The following PIGX variants were observed in gnomAD, a reference collection of about 807,000 sequenced individuals.
PIGX encodes the protein GPI alpha-1,4-mannosyltransferase I, stabilizing subunit.
Under a neutral mutation model 28.7 loss-of-function variants are expected in PIGX, and 24 were observed. That is an observed-to-expected ratio of 0.84 (90% CI 0.60 to 1.17). PIGX has a LOEUF of 1.17. Ranked by LOEUF, PIGX falls within the 50% of genes most tolerant of loss-of-function variation. The pLI is 0.00. For missense variants in PIGX, 305 were observed against 317.8 expected, an observed-to-expected ratio of 0.96 and a Z score of 0.31; for synonymous variants, 127 against 121.0, an observed-to-expected ratio of 1.05 and a Z score of -0.33.
At chr3:196,714,336 G>T (rs890066310) in intron 1 of PIGX, among the ~76,000 whole-genome samples, 6 of 152,034 alleles carry the variant, frequency 3.9e-5, no homozygotes, top group Non-Finnish European at 7.4e-5. Context: ...TGGTGGCGTG[G>T]GCCTATAATC....
intron 4 of PIGX, 85 bp downstream of exon 4, chr3:196,728,221 A>G: frequency 9.4e-7 from 1 of 1,066,592 alleles, no homozygotes; most frequent in Non-Finnish European, 1.4e-6. Context: ...GCTGGCTGGC[A>G]AGGCCCTATG....
In PIGX at chr3:196,712,600, C is replaced by T. The variant is rs1027257546; in HGVS notation, c.68C>T (p.Thr23Met). The T allele has an allele frequency of 1.3e-5, 15 of 1,191,120 alleles. No individual in the cohort carries two copies. In the African/African-American group the frequency reaches 1.9e-4, roughly 15 times the overall value. 73.8% of individuals were successfully genotyped at this position (1,191,120 alleles called of 1,614,324 possible). Residue 23 changes from threonine to methionine, a missense_variant, in exon 1 of 6, where the codon ACG becomes ATG. Transcript: ENST00000392391. ...CTCCTCGGGGCGGCGACCGGGCTCA[C>T]GCGCGGGCCCGCCGCGGCCTTCACC... is the stretch of plus-strand genomic sequence containing the variant.
intron 1 of PIGX, among the ~76,000 whole-genome samples, chr3:196,713,309 A>ATT (rs61440372): frequency 0.15 from 22,223 of 149,954 alleles, 1,939 homozygotes; most frequent in Non-Finnish European, 0.19. Flanking sequence ...GGCCAAGAAG[A>ATT]TTTTTTTTTT....
chr3:196,727,258 T>C (rs1441483439), intron 3 of PIGX, among the ~76,000 whole-genome samples: 1 of 152,242 alleles, frequency 6.6e-6, no homozygotes, highest in Admixed American at 6.5e-5. Flanking sequence ...TGTGGATATA[T>C]GTGTAATAAA....
chr3:196,721,254 CT>C (rs1370270036), intron 2 of PIGX: 9 of 334,702 alleles, frequency 2.7e-5, no homozygotes, highest in East Asian at 1.1e-4. Context: ...TCTCCCTGGT[CT>C]TTTTTCCTCT....
chr3:196,726,592 GATGA>G, intron 3 of PIGX: 1 of 445,452 alleles, frequency 2.2e-6, no homozygotes, highest in East Asian at 7.0e-5. Context: ...CAGCTAATAT[GATGA>G]ATGATTTGGA....
In PIGX at chr3:196,732,249, T is replaced by C. The variant is rs1445825319; in HGVS notation, c.633+1157T>C. On this transcript the variant is annotated intron_variant, in intron 5 of 5. Coordinates refer to ENST00000392391, the MANE Select transcript of PIGX (RefSeq NM_017861.4). ...ATATATATATATATATATATATATA[T>C]ATATATATTTTATTTTATTTTATTT... Among the ~76,000 whole-genome samples the C allele has an allele frequency of 5.3e-4, 19 of 35,604 alleles. 1 individual carries two copies. The highest frequency in any genetic ancestry group is 1.5e-4 in the Non-Finnish European group (3 of 20,032). 23.4% of individuals were successfully genotyped at this position (35,604 alleles called of 152,430 possible). A position where few individuals can be genotyped will look rare whatever the true frequency, so the allele number is the denominator to read the frequency against.
chr3:196,724,568 G>A (rs142487285), intron 3 of PIGX, among the ~76,000 whole-genome samples: 2 of 152,210 alleles, frequency 1.3e-5, no homozygotes, highest in East Asian at 3.9e-4. Flanking sequence ...AGAAGAAAAG[G>A]GTACAGGTAG....
chr3:196,716,888 TG>T lies in PIGX; in HGVS notation c.144del (p.Arg49GlyfsTer5). 6.2e-7 allele frequency: 1 copy of T among 1,608,420 alleles called. No homozygotes were observed. Among genetic ancestry groups the T allele is most frequent in the South Asian group, 1.1e-5 (1 of 90,874 alleles). On this transcript the variant is annotated frameshift_variant, in exon 2 of 6. Transcript: ENST00000392391. LOFTEE classifies it high-confidence loss of function. The stretch of plus-strand genomic sequence containing the variant: ...AGGGCCATGTGTTCTGAAATTATTT[TG>T]AGGCAAGAAGTTTTGAAAGATGGTT...
At chr3:196,731,164 A>T in intron 5 of PIGX, 72 bp downstream of exon 5, 1 of 836,954 alleles carries the variant, frequency 1.2e-6, no homozygotes. Flanking sequence ...TGTTCCTGCC[A>T]CATTTAAGAG....
At chr3:196,732,237 TATATATATATATATATATATTTTATTTTA>T (rs1560080550) in intron 5 of PIGX, among the ~76,000 whole-genome samples, 14 of 63,176 alleles carry the variant, frequency 2.2e-4, no homozygotes, top group East Asian at 9.5e-4. Flanking sequence ...TATATATATA[TATATATATATATATATATATTTTATTTTA>T]TTTTATTTTT....
intron 1 of PIGX, among the ~76,000 whole-genome samples, chr3:196,715,172 G>C (rs967908614): frequency 6.6e-6 from 1 of 152,162 alleles, no homozygotes; most frequent in Non-Finnish European, 1.5e-5. Context: ...TGTTTATTCA[G>C]GAAAAGATCA....
In PIGX at chr3:196,716,847, G is replaced by T. The variant is rs774740601; in HGVS notation, c.113-11G>T. 2.0e-6 allele frequency: 3 copies of T among 1,503,606 alleles called. No homozygotes were observed. The highest frequency in any genetic ancestry group is 1.8e-4 in the Middle Eastern group (1 of 5,690). 93.1% of individuals were successfully genotyped at this position (1,503,606 alleles called of 1,614,324 possible). On this transcript the variant is annotated splice_polypyrimidine_tract_variant and intron_variant, in intron 1 of 5. Coordinates refer to ENST00000392391, the MANE Select transcript of PIGX (RefSeq NM_017861.4). ...TTTTGTTTTTAAAAAAAAATCGTTT[G>T]GTTCTTATAGGCATAAGGGCCATGT... is the stretch of plus-strand genomic sequence containing the variant.
intron 3 of PIGX, among the ~76,000 whole-genome samples, chr3:196,724,874 T>C (rs538607848): frequency 5.9e-5 from 9 of 152,182 alleles, no homozygotes; most frequent in Admixed American, 6.5e-5. Context: ...TAGGGACTGA[T>C]TGATGCTTGT....
chr3:196,732,216 T>TTATTTATATATATATATA (rs1400132891), intron 5 of PIGX, among the ~76,000 whole-genome samples: 1 of 51,346 alleles, frequency 1.9e-5, no homozygotes, highest in African/African-American at 9.1e-5. Context: ...TATATATTAT[T>TTATTTATATATATATATA]TATATATATA....
Position 196,715,449 on chromosome 3 carries a change from T to C in PIGX, c.113-1409T>C, listed in dbSNP as rs146506029. 1.2e-4 allele frequency among the ~76,000 whole-genome samples: 19 copies of C among 152,340 alleles called. 1 individual carries two copies. The highest frequency in any genetic ancestry group is 4.6e-4 in the African/African-American group (19 of 41,578). The stretch of plus-strand genomic sequence containing the variant: ...CAAATGGCAGTGATTTTGCTTATTT[T>C]GCTATAGATCGTGAAAGTTAAAACA... On this transcript the variant is annotated intron_variant, in intron 1 of 5. Coordinates refer to ENST00000392391, the MANE Select transcript of PIGX (RefSeq NM_017861.4).
chr3:196,722,631 A>G (rs1362704887), intron 3 of PIGX, 75 bp downstream of exon 3: 32 of 1,266,558 alleles, frequency 2.5e-5, no homozygotes, highest in Non-Finnish European at 3.3e-5. Context: ...GAAAAATAGT[A>G]GGTTTTCTTT....
intron 5 of PIGX, among the ~76,000 whole-genome samples, chr3:196,732,276 T>TTA (rs1712834063): frequency 1.3e-5 from 1 of 75,018 alleles, no homozygotes; most frequent in African/African-American, 6.0e-5. Flanking sequence ...ATTTTATTTT[T>TTA]TTTTTTATTT....
chr3:196,713,744 G>A (rs1711948506), intron 1 of PIGX, among the ~76,000 whole-genome samples: 1 of 151,784 alleles, frequency 6.6e-6, no homozygotes. Flanking sequence ...GGCTAAGGCA[G>A]GAGAATCGCT....
Sources: allele counts gnomAD v4.1 joint callset (sites outside exome capture counted in the v4.1 genomes callset), GRCh38; gene constraint gnomAD v4.1.1; transcripts MANE v1.5; gene names NCBI Gene and HGNC (gene_info 2026-07-23, HGNC 2026-07-21).